The following RSAD2 variants were observed in gnomAD, a reference collection of about 807,000 sequenced individuals.
RSAD2 encodes S-adenosylmethionine-dependent nucleotide dehydratase RSAD2.
Under a neutral mutation model 37.7 loss-of-function variants are expected in RSAD2, and 38 were observed. That is an observed-to-expected ratio of 1.01 (90% CI 0.78 to 1.32). RSAD2 has a LOEUF of 1.32. Ranked by LOEUF, RSAD2 falls within the 40% of genes most tolerant of loss-of-function variation. The pLI is 0.00. For missense variants in RSAD2, 428 were observed against 437.5 expected (o/e 0.98, Z 0.19); for synonymous variants, 163 against 157.4 (o/e 1.04, Z -0.27).
At chr2:6,881,765 G>A (rs1663408179) in intron 1 of RSAD2, among the ~76,000 whole-genome samples, 1 of 152,124 alleles carries the variant, frequency 6.6e-6, no homozygotes, top group East Asian at 1.9e-4. Flanking sequence ...AGGCAGGCAA[G>A]TGTGTAACGC....
intron 4 of RSAD2, 77 bp from the exon 5 acceptor site, chr2:6,893,594 C>T: frequency 3.5e-6 from 4 of 1,144,530 alleles, no homozygotes; most frequent in Non-Finnish European, 5.3e-6. Context: ...ACAATGCAAA[C>T]ACTACAGGTG....
At chr2:6,872,496 G>A (rs1243282892) in intron 1 of RSAD2, among the ~76,000 whole-genome samples, 1 of 152,080 alleles carries the variant, frequency 6.6e-6, no homozygotes, top group Non-Finnish European at 1.5e-5. Flanking sequence ...TAGGGCAGAG[G>A]GCATTCTGTT....
intron 1 of RSAD2, among the ~76,000 whole-genome samples, chr2:6,870,937 G>T (rs1572150773): frequency 6.6e-6 from 1 of 152,150 alleles, no homozygotes; most frequent in Non-Finnish European, 1.5e-5. Context: ...GTTGTAATTG[G>T]CTAAGTCTCT....
intron 1 of RSAD2, among the ~76,000 whole-genome samples, chr2:6,878,420 C>T (rs899484875): frequency 2.0e-5 from 3 of 152,114 alleles, no homozygotes; most frequent in African/African-American, 7.2e-5. Flanking sequence ...AAGAAGGGGT[C>T]TATGCAAAGG....
chr2:6,892,576 CA>C (rs1217237137), intron 4 of RSAD2, among the ~76,000 whole-genome samples: 2 of 152,156 alleles, frequency 1.3e-5, no homozygotes, highest in African/African-American at 2.4e-5. Context: ...TGACTTGTAT[CA>C]GGGGCAAAAT....
intron 3 of RSAD2, 89 bp from the exon 4 acceptor site, chr2:6,890,087 A>C: frequency 2.4e-6 from 3 of 1,270,222 alleles, no homozygotes; most frequent in Non-Finnish European, 3.4e-6. Flanking sequence ...TTTGCTCAGA[A>C]GAGATGAAGC....
In RSAD2 at chr2:6,869,290, C is replaced by A. The variant is rs577346407; in HGVS notation, c.142+3245C>A. ...AAAGCCCAGTTGGGAGTCTAACATG[C>A]TCCTGAGTCTTATGAGTCCTGTTTG... On this transcript the variant is annotated intron_variant, in intron 1 of 5. Coordinates refer to the RSAD2 transcript ENST00000442639. Among the ~76,000 whole-genome samples the A allele has an allele frequency of 5.5e-4, 83 of 152,278 alleles. 1 individual carries two copies. The highest frequency in any genetic ancestry group is 9.8e-4 in the Non-Finnish European group (67 of 68,036).
At chr2:6,888,862 C>T (rs1663573594) in intron 3 of RSAD2, among the ~76,000 whole-genome samples, 1 of 152,202 alleles carries the variant, frequency 6.6e-6, no homozygotes, top group African/African-American at 2.4e-5. Context: ...CCTGAGGCTG[C>T]CTCCTCCACT....
intron 4 of RSAD2, among the ~76,000 whole-genome samples, chr2:6,893,463 C>T (rs1455830899): frequency 6.6e-6 from 1 of 152,138 alleles, no homozygotes; most frequent in African/African-American, 2.4e-5. Context: ...CAGCAAAGAG[C>T]AGAGAATCCA....
At chr2:6,867,330 C>T (rs563439616) in intron 1 of RSAD2, among the ~76,000 whole-genome samples, 1 of 152,136 alleles carries the variant, frequency 6.6e-6, no homozygotes, top group Admixed American at 6.5e-5. Flanking sequence ...GCGTGCAGAC[C>T]GCCTCCTTCT....
chr2:6,878,324 T>G (rs975584050), intron 1 of RSAD2, among the ~76,000 whole-genome samples, 178 bp downstream of exon 1: 3 of 151,930 alleles, frequency 2.0e-5, no homozygotes, highest in Non-Finnish European at 2.9e-5. Flanking sequence ...AATTTTGGAG[T>G]GGGCACCTAG....
At chr2:6,885,174 A>G (rs980642471) in intron 2 of RSAD2, among the ~76,000 whole-genome samples, 1 of 152,220 alleles carries the variant, frequency 6.6e-6, no homozygotes, top group Non-Finnish European at 1.5e-5. Context: ...GAGTCCAGAG[A>G]GTCCAGACAC....
chr2:6,890,031 C>T (rs928181034), intron 3 of RSAD2, 145 bp from the exon 4 acceptor site: 14 of 668,990 alleles, frequency 2.1e-5, no homozygotes, highest in Non-Finnish European at 3.1e-5. Context: ...CTTTCATTTC[C>T]CCAAAGTAAT....
rs1190954587 is a variant in RSAD2 at position 6,886,939 on chromosome 2, G to C, written c.513G>C (p.Glu171Asp). Residue 171 changes from glutamate (E) to aspartate (D), a missense_variant, in exon 3 of 6, where the codon GAG becomes GAC. Physicochemically the swap from Glu to Asp is conservative, Grantham distance 45. Coordinates refer to ENST00000382040, the MANE Select transcript of RSAD2 (RefSeq NM_080657.5). ...AACATGATCATTTTCCCTCAGGTGA[G>C]TATTTGGACATTCTCGCTATCTCCT... ...IRERWFQNYG[E>D]YLDILAISCD... 1 of 1,613,036 alleles carries C rather than the reference G, an allele frequency of 6.2e-7. No individual in the cohort carries two copies. The highest frequency in any genetic ancestry group is 1.3e-5 in the African/African-American group (1 of 74,904).
upstream of RSAD2, chr2:6,877,572 G>A (rs1478762532): frequency 5.4e-6 from 3 of 555,062 alleles, no homozygotes; most frequent in Middle Eastern, 4.7e-4. Flanking sequence ...GCAGCCGTGA[G>A]CAGAGAAACC....
intron 1 of RSAD2, chr2:6,878,657 A>G (rs1663337815): frequency 1.6e-5 from 3 of 190,592 alleles, no homozygotes; most frequent in African/African-American, 2.4e-5. Flanking sequence ...AAATTTTTTT[A>G]ACAAATATGT....
intron 3 of RSAD2, among the ~76,000 whole-genome samples, chr2:6,888,534 T>C (rs770460066): frequency 6.6e-6 from 1 of 152,200 alleles, no homozygotes; most frequent in Non-Finnish European, 1.5e-5. Context: ...CTTCCCTATG[T>C]TTCCTGTTAC....
At chr2:6,874,247 A>G (rs1424528676), upstream of RSAD2, among the ~76,000 whole-genome samples, 1 of 152,142 alleles carries the variant, frequency 6.6e-6, no homozygotes, top group Non-Finnish European at 1.5e-5. Flanking sequence ...AGCAGATGCC[A>G]GCATGATGCT....
rs1663521704 is a variant in RSAD2, at chr2:6,886,421, GACATC to G, written c.509-509_509-505del. 2.6e-5 allele frequency among the ~76,000 whole-genome samples: 4 copies of G among 152,318 alleles called. No individual in the cohort carries two copies. In the South Asian group the frequency reaches 8.3e-4, roughly 32 times the overall value. Reference sequence around the variant, plus strand: ...CTTGGCATCTAACACAGTTGTCTCTGACATCACATAGAATGTCTCTAGATATTTAG... The same window carrying G: ...CTTGGCATCTAACACAGTTGTCTCTGACATAGAATGTCTCTAGATATTTAG... On this transcript the variant is annotated intron_variant, in intron 2 of 5. Transcript: ENST00000382040.
Sources: allele counts gnomAD v4.1 joint callset (sites outside exome capture counted in the v4.1 genomes callset), GRCh38; gene constraint gnomAD v4.1.1; transcripts MANE v1.5; gene names NCBI Gene and HGNC (gene_info 2026-07-23, HGNC 2026-07-21).